The following TTC22 variants were observed in gnomAD, a reference collection of about 807,000 sequenced individuals.
TTC22 encodes tetratricopeptide repeat protein 22.
A neutral mutation model predicts 48.2 loss-of-function variants in TTC22; 42 were observed. The observed-to-expected ratio is 0.87, with a 90% confidence interval of 0.68 to 1.13. The LOEUF is 1.13. Among genes scored for constraint, TTC22 ranks in the 50% most tolerant of loss-of-function variants. TTC22 has a pLI of 0.00. For missense variants in TTC22, 784 were observed against 807.0 expected, an observed-to-expected ratio of 0.97 and a Z score of 0.34; for synonymous variants, 345 against 365.5, an observed-to-expected ratio of 0.94 and a Z score of 0.64.
rs907739433 is a variant in TTC22 at position 54,801,286 on chromosome 1, C to G, written c.-123G>C. On this transcript the variant is annotated 5_prime_UTR_variant, in exon 1 of 7. Coordinates refer to ENST00000371276, the MANE Select transcript of TTC22 (RefSeq NM_001114108.2). ...AGGGGCAGCCGGCAGAGGCCCCGGG[C>G]GCTGCGGCCTCTCGGTCTCAGGGCG... 3 of 1,024,796 alleles carry G rather than the reference C, an allele frequency of 2.9e-6. No homozygotes were observed. The highest frequency in any genetic ancestry group is 4.2e-6 in the Non-Finnish European group (3 of 708,838). 63.5% of individuals were successfully genotyped at this position (1,024,796 alleles called of 1,614,324 possible). A position where few individuals can be genotyped will look rare whatever the true frequency, so the allele number is the denominator to read the frequency against.
At position 54,788,160 on chromosome 1, in the gene TTC22, C is replaced by T. The variant is rs970188626; in HGVS notation, c.568-63G>A. On this transcript the variant is annotated intron_variant, in intron 1 of 6. Coordinates refer to ENST00000371276, the MANE Select transcript of TTC22 (RefSeq NM_001114108.2). Reference sequence around the variant, plus strand: ...AGGTACTCTGGCCATTGTTCATAAACTCCCACACTCACTGAACCCCAAGAG... The same window carrying T: ...AGGTACTCTGGCCATTGTTCATAAATTCCCACACTCACTGAACCCCAAGAG... 2.6e-6 allele frequency: 4 copies of T among 1,512,832 alleles called. No individual in the cohort carries two copies. The South Asian group carries it at 4.5e-5, about 17-fold the overall frequency. 93.7% of individuals were successfully genotyped at this position (1,512,832 alleles called of 1,614,324 possible).
intron 3 of TTC22, chr1:54,787,388 T>C: frequency 1.8e-6 from 1 of 559,792 alleles, no homozygotes; most frequent in Non-Finnish European, 3.2e-6. Flanking sequence ...TGTCTGGCCC[T>C]GCAAAAAAAT....
At chr1:54,788,438 C>T (rs1415298720) in intron 1 of TTC22, among the ~76,000 whole-genome samples, 8 of 152,034 alleles carry the variant, frequency 5.3e-5, no homozygotes, top group Admixed American at 5.2e-4. Context: ...CCACCGGCCT[C>T]CCGTTTGGTG....
At chr1:54,787,210 G>A in intron 3 of TTC22, 135 bp from the exon 4 acceptor site, 1 of 557,832 alleles carries the variant, frequency 1.8e-6, no homozygotes, top group East Asian at 3.1e-5. Context: ...GGCAACACAG[G>A]GACAGAGAGA....
rs1199948429 is a variant in TTC22 at position 54,781,415 on chromosome 1, A to G, written c.1538T>C (p.Leu513Pro). Residue 513 changes from leucine (L) to proline (P), a missense_variant, in exon 7 of 7, where the codon CTG (leucine) becomes CCG (proline). Leu to Pro is a moderately conservative substitution (Grantham distance 98, BLOSUM62 -3). Transcript: ENST00000371276. ...RAQDKYPAAR[L>P]RQELQRVWRG... Reference sequence around the variant, plus strand: ...CCACACGCGCTGCAGCTCCTGGCGCAGGCGCGCCGCGGGGTACTTGTCCTG... The same window carrying G: ...CCACACGCGCTGCAGCTCCTGGCGCGGGCGCGCCGCGGGGTACTTGTCCTG... 3 of 1,402,146 alleles carry G rather than the reference A, an allele frequency of 2.1e-6. No individual in the cohort carries two copies. The highest frequency in any genetic ancestry group is 1.5e-5 in the African/African-American group (1 of 65,580). 86.9% of individuals were successfully genotyped at this position (1,402,146 alleles called of 1,614,324 possible).
At chr1:54,784,598 T>C (rs1646286225) in intron 5 of TTC22, 2 of 1,056,010 alleles carry the variant, frequency 1.9e-6, no homozygotes, top group African/African-American at 3.4e-5. Flanking sequence ...TTATTTACTA[T>C]TATGGTTAAT....
Position 54,781,208 on chromosome 1 carries a change from G to T in TTC22, c.*35C>A. On this transcript the variant is annotated 3_prime_UTR_variant, in exon 7 of 7. Transcript: ENST00000371276. Reference sequence around the variant, plus strand: ...CATCAGCTGGGCGGGGCCTGGGCGGGGTCCCAGGGAGCCTCCGGCCTGGGC... The same window carrying T: ...CATCAGCTGGGCGGGGCCTGGGCGGTGTCCCAGGGAGCCTCCGGCCTGGGC... 1.5e-6 allele frequency: 2 copies of T among 1,373,790 alleles called. No individual in the cohort carries two copies. Among genetic ancestry groups the T allele is most frequent in the South Asian group, 1.6e-5 (1 of 63,590 alleles). The allele number at this position is 1,373,790 out of a possible 1,614,324, so 85.1% of individuals were successfully genotyped here.
chr1:54,781,292 T>TAGAATGAGACAGCCCGGCGGTCC lies in TTC22; in HGVS notation c.1660_1661insGGACCGCCGGGCTGTCTCATTCT (p.Glu554GlyfsTer44). 6.8e-7 allele frequency: 1 copy of TAGAATGAGACAGCCCGGCGGTCC among 1,476,604 alleles called. No individual in the cohort carries two copies. Among genetic ancestry groups the TAGAATGAGACAGCCCGGCGGTCC allele is most frequent in the Middle Eastern group, 2.1e-4 (1 of 4,670 alleles). 91.5% of individuals were successfully genotyped at this position (1,476,604 alleles called of 1,614,324 possible). On this transcript the variant is annotated frameshift_variant, in exon 7 of 7. Transcript: ENST00000371276. LOFTEE classifies it low-confidence loss of function (END_TRUNC). ...CCGCGGCGCGCTGGCGCCCTCGCCC[T>TAGAATGAGACAGCCCGGCGGTCC]CGCGCTCCATGGTCTCGAAGAGCAG...
intron 4 of TTC22, chr1:54,786,469 G>A (rs1646302286): frequency 1.0e-5 from 3 of 297,518 alleles, no homozygotes; most frequent in African/African-American, 2.2e-5. Flanking sequence ...CAGGTGAGAG[G>A]AAGGGCCAGA....
Position 54,780,953 on chromosome 1 carries a change from T to C in TTC22, c.*290A>G, listed in dbSNP as rs768351741. 5.9e-5 allele frequency: 18 copies of C among 306,024 alleles called. No homozygotes were observed. Among genetic ancestry groups the C allele is most frequent in the Non-Finnish European group, 1.0e-4 (17 of 167,018 alleles). 19.0% of individuals were successfully genotyped at this position (306,024 alleles called of 1,614,324 possible). A position where few individuals can be genotyped will look rare whatever the true frequency, so the allele number is the denominator to read the frequency against. ...TCTCTCAGAAGCCTCACAACCATCT[T>C]ATTTTACCTGTATGTCTAGAAAATT... On this transcript the variant is annotated 3_prime_UTR_variant, in exon 7 of 7. Coordinates refer to ENST00000371276, the MANE Select transcript of TTC22 (RefSeq NM_001114108.2).
intron 1 of TTC22, among the ~76,000 whole-genome samples, chr1:54,799,469 G>A (rs560337510): frequency 6.6e-6 from 1 of 152,154 alleles, no homozygotes; most frequent in Non-Finnish European, 1.5e-5. Flanking sequence ...AGAAACCACA[G>A]CCCAGGGAGA....
rs369013593 is a variant in TTC22 at position 54,790,807 on chromosome 1, C to G, written c.568-2710G>C. Among the ~76,000 whole-genome samples, 84 of 152,150 alleles carry G rather than the reference C, an allele frequency of 5.5e-4. 1 individual carries two copies. In the East Asian group the frequency reaches 0.012, roughly 21 times the overall value. On this transcript the variant is annotated intron_variant, in intron 1 of 6. Transcript: ENST00000371276. ...TGCTGCTGCTTCTTTCTTCTTTCTT[C>G]TTCTTCTTTTTCCTTCTTCTTCCTT...
At chr1:54,799,666 G>A (rs1646418432) in intron 1 of TTC22, among the ~76,000 whole-genome samples, 1 of 152,198 alleles carries the variant, frequency 6.6e-6, no homozygotes, top group Non-Finnish European at 1.5e-5. Context: ...GCTCAGGACT[G>A]AAACAAGAGA....
Position 54,786,967 on chromosome 1 carries a change from C to T in TTC22, c.848G>A (p.Cys283Tyr). 1 of 1,515,260 alleles carries T rather than the reference C, an allele frequency of 6.6e-7. No individual in the cohort carries two copies. Among genetic ancestry groups the T allele is most frequent in the East Asian group, 2.5e-5 (1 of 39,880 alleles). The allele number at this position is 1,515,260 out of a possible 1,614,324, so 93.9% of individuals were successfully genotyped here. A position where few individuals can be genotyped will look rare whatever the true frequency, so the allele number is the denominator to read the frequency against. Residue 283 changes from cysteine to tyrosine, a missense_variant, in exon 4 of 7, where the codon TGC becomes TAC. Cys to Tyr is a radical substitution (Grantham distance 194). Transcript: ENST00000371276. ...CGYSGTDPLDCFGKAIEIAKN... is the reference protein window; with the variant it reads ...CGYSGTDPLDYFGKAIEIAKN... ...GCTGGGGGCAAGTACCTTGCCGAAG[C>T]AGTCTAGAGGGTCGGTCCCTGAGTA...
At chr1:54,795,895 G>C (rs1646386505) in intron 1 of TTC22, among the ~76,000 whole-genome samples, 1 of 152,240 alleles carries the variant, frequency 6.6e-6, no homozygotes. Context: ...CCTTAGGAAA[G>C]CTGTCTCTCC....
chr1:54,786,484 A>C, intron 4 of TTC22: 1 of 273,690 alleles, frequency 3.7e-6, no homozygotes, highest in Non-Finnish European at 6.9e-6. Flanking sequence ...GCCAGAGGCA[A>C]CCCCCATCCC....
intron 2 of TTC22, 61 bp from the exon 3 acceptor site, chr1:54,787,887 A>G: frequency 6.6e-7 from 1 of 1,519,998 alleles, no homozygotes. Flanking sequence ...GTGTGCTGCC[A>G]GCCCTGCCCA....
At chr1:54,787,645 T>C in intron 3 of TTC22, 66 bp downstream of exon 3, 1 of 1,175,390 alleles carries the variant, frequency 8.5e-7, no homozygotes. Context: ...CAGAGGTGGA[T>C]GCAATGCCAG....
In TTC22 at chr1:54,780,696, C is replaced by T. The variant is rs571107875; in HGVS notation, c.*547G>A. Reference sequence around the variant, plus strand: ...GCAGGAATGAGCCCTGAGCACGAGGCTTAGGCTAGGGCCCTGTCCCGTAAC... The same window carrying T: ...GCAGGAATGAGCCCTGAGCACGAGGTTTAGGCTAGGGCCCTGTCCCGTAAC... On this transcript the variant is annotated 3_prime_UTR_variant, in exon 7 of 7. Coordinates refer to ENST00000371276, the MANE Select transcript of TTC22 (RefSeq NM_001114108.2). 2.5e-4 allele frequency: 38 copies of T among 152,428 alleles called. No individual in the cohort carries two copies. Among genetic ancestry groups the T allele is most frequent in the African/African-American group, 8.7e-4 (36 of 41,582 alleles). 9.4% of individuals were successfully genotyped at this position (152,428 alleles called of 1,614,324 possible). A position where few individuals can be genotyped will look rare whatever the true frequency, so the allele number is the denominator to read the frequency against.
Sources: allele counts gnomAD v4.1 joint callset (sites outside exome capture counted in the v4.1 genomes callset), GRCh38; gene constraint gnomAD v4.1.1; transcripts MANE v1.5; gene names NCBI Gene and HGNC (gene_info 2026-07-23, HGNC 2026-07-21).